ROBO1: variants seen among roughly 807,000 people sequenced by gnomAD.
ROBO1 encodes roundabout guidance receptor 1, also known as roundabout homolog 1.
ROBO1 carries 149 observed loss-of-function variants against 195.9 expected under a neutral mutation model. The observed-to-expected ratio is 0.76, with a 90% CI of 0.67 to 0.87. ROBO1 has a LOEUF of 0.87. Among genes scored for constraint, ROBO1 ranks in the 40% least tolerant of loss-of-function variants. The pLI is 0.00. For missense variants in ROBO1, 1,933 were observed against 2,068.3 expected, an observed-to-expected ratio of 0.93 and a Z score of 1.27; for synonymous variants, 816 against 733.2, an observed-to-expected ratio of 1.11 and a Z score of -1.82.
At chr3:79,203,262 G>T (rs1049988431) in intron 2 of ROBO1, among the ~76,000 whole-genome samples, 2 of 152,144 alleles carry the variant, frequency 1.3e-5, no homozygotes, top group Admixed American at 6.6e-5. Flanking sequence ...AATATCAGTG[G>T]TTCTATATCA....
At chr3:79,597,292 A>G (rs1944205520) in intron 1 of ROBO1, among the ~76,000 whole-genome samples, 1 of 151,978 alleles carries the variant, frequency 6.6e-6, no homozygotes, top group African/African-American at 2.4e-5. Flanking sequence ...TGAAATTTAA[A>G]AAGCCAAAAG....
chr3:79,044,604 C>T (rs572745492), intron 3 of ROBO1, among the ~76,000 whole-genome samples: 46 of 151,978 alleles, frequency 3.0e-4, no homozygotes, highest in Non-Finnish European at 5.6e-4. Flanking sequence ...AAAGTAGGGG[C>T]CTTACATTAT....
At chr3:79,592,641 C>T (rs1944039647) in intron 1 of ROBO1, among the ~76,000 whole-genome samples, 2 of 152,090 alleles carry the variant, frequency 1.3e-5, no homozygotes, top group African/African-American at 4.8e-5. Flanking sequence ...ATTCCATTCC[C>T]TGACACTATT....
intron 2 of ROBO1, among the ~76,000 whole-genome samples, chr3:79,402,913 G>A (rs2037416519): frequency 6.6e-6 from 1 of 151,950 alleles, no homozygotes; most frequent in Admixed American, 6.6e-5. Flanking sequence ...AGTGAATGGT[G>A]AAATTTCTGG....
At chr3:78,752,879 T>C (rs1050000475) in intron 4 of ROBO1, among the ~76,000 whole-genome samples, 1 of 152,174 alleles carries the variant, frequency 6.6e-6, no homozygotes, top group African/African-American at 2.4e-5. Context: ...AATAAGTATG[T>C]CTTCTACTTG....
intron 4 of ROBO1, among the ~76,000 whole-genome samples, chr3:78,843,624 T>A (rs911790461): frequency 5.9e-5 from 9 of 152,098 alleles, no homozygotes; most frequent in Admixed American, 1.3e-4. Flanking sequence ...AATAATAATA[T>A]ACTTCTCCAA....
At chr3:79,510,250 C>G (rs937700101) in intron 2 of ROBO1, among the ~76,000 whole-genome samples, 1 of 152,282 alleles carries the variant, frequency 6.6e-6, no homozygotes, top group South Asian at 2.1e-4. Context: ...CTGCTGTTCT[C>G]ATGACAGTGA....
chr3:79,329,012 T>C (rs930233026), intron 2 of ROBO1, among the ~76,000 whole-genome samples: 11 of 152,346 alleles, frequency 7.2e-5, no homozygotes, highest in African/African-American at 2.6e-4. Flanking sequence ...GGTACAATTT[T>C]ACTTCATTTG....
chr3:79,649,359 T>C (rs1945931238), intron 1 of ROBO1, among the ~76,000 whole-genome samples: 1 of 152,072 alleles, frequency 6.6e-6, no homozygotes, highest in African/African-American at 2.4e-5. Context: ...TGTTTATATA[T>C]TTATTTAACC....
chr3:78,940,497 T>G (rs998015146), intron 3 of ROBO1, among the ~76,000 whole-genome samples: 3 of 152,200 alleles, frequency 2.0e-5, no homozygotes, highest in Admixed American at 1.3e-4. Flanking sequence ...TGTTCCATGC[T>G]TTTCTCTGCT....
At chr3:79,457,934 C>G (rs960108754) in intron 2 of ROBO1, among the ~76,000 whole-genome samples, 3 of 152,084 alleles carry the variant, frequency 2.0e-5, no homozygotes, top group Admixed American at 6.6e-5. Flanking sequence ...AAGGTCAGCT[C>G]TGATCTGGCT....
Position 79,725,450 on chromosome 3 carries a change from T to A in ROBO1, c.-51+42302A>T, listed in dbSNP as rs573328462. Among the ~76,000 whole-genome samples, 350 of 151,892 alleles carry A rather than the reference T, an allele frequency of 2.3e-3. 1 individual carries two copies. Among genetic ancestry groups the A allele is most frequent in the African/African-American group, 8.3e-3 (344 of 41,432 alleles). On this transcript the variant is annotated intron_variant, in intron 1 of 30. Coordinates refer to ENST00000464233, the MANE Select transcript of ROBO1 (RefSeq NM_002941.4). ...ACCGTGTTAGCCAGGATGGTCTCGATCTCCTGACCTCGTGATCCGCCCGCC... is the reference window on the plus strand; with the variant it reads ...ACCGTGTTAGCCAGGATGGTCTCGAACTCCTGACCTCGTGATCCGCCCGCC...
At chr3:79,694,212 C>T (rs988777242) in intron 1 of ROBO1, among the ~76,000 whole-genome samples, 2 of 151,804 alleles carry the variant, frequency 1.3e-5, no homozygotes, top group Non-Finnish European at 2.9e-5. Flanking sequence ...AAATGTAATA[C>T]AAATTCCTTA....
intron 3 of ROBO1, 101 bp downstream of exon 3, chr3:79,125,355 G>A (rs1437011058): frequency 1.1e-6 from 1 of 920,860 alleles, no homozygotes; most frequent in African/African-American, 1.6e-5. Flanking sequence ...TTGTTAGCTG[G>A]AAGCAGGGAT....
At chr3:79,142,324 T>C (rs1317556300) in intron 2 of ROBO1, among the ~76,000 whole-genome samples, 1 of 152,126 alleles carries the variant, frequency 6.6e-6, no homozygotes, top group African/African-American at 2.4e-5. Flanking sequence ...TATTAATTAC[T>C]GGTGGTCAAC....
intron 2 of ROBO1, among the ~76,000 whole-genome samples, chr3:79,439,157 G>A (rs574756005): frequency 2.0e-5 from 3 of 152,006 alleles, no homozygotes; most frequent in South Asian, 2.1e-4. Flanking sequence ...TTCTAAGTAC[G>A]GAAGATAATA....
chr3:78,632,424 C>T (rs1385503158), intron 24 of ROBO1, among the ~76,000 whole-genome samples: 2 of 152,182 alleles, frequency 1.3e-5, no homozygotes, highest in East Asian at 3.9e-4. Context: ...ATGTCTCTCA[C>T]TTCTCTCGTC....
intron 2 of ROBO1, among the ~76,000 whole-genome samples, chr3:79,533,990 G>A (rs79857842): frequency 0.041 from 6,302 of 151,924 alleles, 446 homozygotes; most frequent in African/African-American, 0.14. Flanking sequence ...GGATAACTAA[G>A]GTTAGTCCAG....
intron 4 of ROBO1, among the ~76,000 whole-genome samples, chr3:78,770,574 GCTAT>G (rs774685490): frequency 3.3e-5 from 5 of 152,218 alleles, no homozygotes; most frequent in East Asian, 3.9e-4. Context: ...CATTCTGTAG[GCTAT>G]CTGTTTACTG....
Sources: gnomAD v4.1 joint callset for allele counts (sites outside exome capture counted in the v4.1 genomes callset) on GRCh38, gnomAD v4.1.1 for gene constraint, MANE v1.5 for transcripts, NCBI Gene and HGNC (gene_info 2026-07-23, HGNC 2026-07-21) for gene names.